Variants in WIF1 observed in about 807,000 individuals in gnomAD.
WIF1 encodes Wnt inhibitory factor 1.
A neutral mutation model predicts 53.5 loss-of-function variants in WIF1; 35 were observed. The observed-to-expected ratio is 0.65, with a 90% CI of 0.50 to 0.87. The LOEUF (loss-of-function observed/expected upper bound fraction) is 0.87. Ranked by LOEUF, WIF1 falls within the 40% of genes least tolerant of loss-of-function variation. The pLI, the probability that WIF1 is intolerant of heterozygous loss-of-function variation, is 0.00. For synonymous variants in WIF1, 171 were observed against 170.4 expected, an observed-to-expected ratio of 1.00 and a Z score of -0.03; for missense variants, 467 against 476.8, an observed-to-expected ratio of 0.98 and a Z score of 0.19.
chr12:65,116,667 G>A (rs1175983387), intron 2 of WIF1, among the ~76,000 whole-genome samples: 1 of 151,802 alleles, frequency 6.6e-6, no homozygotes, highest in Non-Finnish European at 1.5e-5. Context: ...AGGCGTGGTG[G>A]CTCACGCCTG....
chr12:65,114,635 A>C (rs537558311), intron 2 of WIF1, among the ~76,000 whole-genome samples: 11 of 152,280 alleles, frequency 7.2e-5, no homozygotes, highest in Admixed American at 5.2e-4. Flanking sequence ...ATTTGTAATA[A>C]ACCTTACATG....
At chr12:65,113,548 C>G (rs1346195731) in intron 2 of WIF1, among the ~76,000 whole-genome samples, 3 of 151,814 alleles carry the variant, frequency 2.0e-5, no homozygotes, top group East Asian at 1.9e-4. Flanking sequence ...GCCATAGAAC[C>G]AGATGTGGCT....
At chr12:65,087,025 C>T (rs1338633836) in intron 2 of WIF1, among the ~76,000 whole-genome samples, 3 of 152,030 alleles carry the variant, frequency 2.0e-5, no homozygotes, top group East Asian at 1.9e-4. Flanking sequence ...TGGTGCACAC[C>T]TGTAATCCCA....
chr12:65,079,899 CTATT>C (rs1882922475), intron 2 of WIF1, among the ~76,000 whole-genome samples: 1 of 151,968 alleles, frequency 6.6e-6, no homozygotes, highest in Admixed American at 6.6e-5. Flanking sequence ...TGCATTCTAT[CTATT>C]AATTAAAGAA....
chr12:65,088,601 T>C (rs1367423283), intron 2 of WIF1, among the ~76,000 whole-genome samples: 3 of 152,154 alleles, frequency 2.0e-5, no homozygotes, highest in African/African-American at 4.8e-5. Context: ...ACTGATGATT[T>C]CCAAGTTGCT....
intron 2 of WIF1, among the ~76,000 whole-genome samples, chr12:65,116,736 C>T (rs939489668): frequency 5.3e-5 from 8 of 151,524 alleles, no homozygotes; most frequent in African/African-American, 1.9e-4. Context: ...AGTTCAAGAC[C>T]AGCCTGGCCA....
intron 3 of WIF1, among the ~76,000 whole-genome samples, chr12:65,077,327 T>C (rs1198887055): frequency 6.6e-6 from 1 of 151,520 alleles, no homozygotes; most frequent in Non-Finnish European, 1.5e-5. Context: ...CAAATTCTAA[T>C]TTAATACAAT....
chr12:65,069,856 G>A (rs1170755215), intron 3 of WIF1, among the ~76,000 whole-genome samples: 1 of 152,122 alleles, frequency 6.6e-6, no homozygotes, highest in Non-Finnish European at 1.5e-5. Flanking sequence ...CACCCAATGG[G>A]TTATTATAAC....
chr12:65,092,900 A>C (rs953321681), intron 2 of WIF1, among the ~76,000 whole-genome samples: 8 of 151,916 alleles, frequency 5.3e-5, no homozygotes, highest in African/African-American at 1.9e-4. Context: ...AGGTGACATC[A>C]ACTCCTGTCT....
Position 65,066,743 on chromosome 12 carries a change from G to C in WIF1, c.635-7C>G, listed in dbSNP as rs776778070. ...CATCGTGGGGTACAAAGGGCTTATA[G>C]GGAGAGAGAACCCTGATTAAGGCCA... On this transcript the variant is annotated splice_region_variant and splice_polypyrimidine_tract_variant and intron_variant, in intron 5 of 9. Coordinates refer to ENST00000286574, the MANE Select transcript of WIF1 (RefSeq NM_007191.5). The C allele has an allele frequency of 2.5e-6, 4 of 1,587,484 alleles. No individual in the cohort carries two copies. The South Asian group carries it at 4.6e-5, about 18-fold the overall frequency.
At chr12:65,055,933 C>T in intron 8 of WIF1, 98 bp downstream of exon 8, 1 of 1,054,352 alleles carries the variant, frequency 9.5e-7, no homozygotes, top group East Asian at 2.4e-5. Context: ...ACTGTGATGC[C>T]CAGGCAACAT....
Position 65,067,654 on chromosome 12 carries a change from T to C in WIF1, c.634+41A>G, listed in dbSNP as rs536867593. 672 of 1,575,282 alleles carry C rather than the reference T, an allele frequency of 4.3e-4. 6 individuals carry two copies. The South Asian group carries it at 7.1e-3, about 17-fold the overall frequency. On this transcript the variant is annotated intron_variant, in intron 5 of 9. Coordinates refer to ENST00000286574, the MANE Select transcript of WIF1 (RefSeq NM_007191.5). The stretch of plus-strand genomic sequence containing the variant: ...TGGGGCTCCTGCACGACATCCATGT[T>C]CATTAGGAAGGGAGCAAGGGAAATC...
chr12:65,117,525 T>C (rs1008674995), intron 2 of WIF1, among the ~76,000 whole-genome samples: 55 of 152,218 alleles, frequency 3.6e-4, no homozygotes, highest in African/African-American at 1.3e-3. Context: ...GTGGAAGACA[T>C]TTTTTCCATG....
At position 65,108,301 on chromosome 12, in the gene WIF1, A is replaced by T. The variant is rs143788639; in HGVS notation, c.288+12116T>A. On this transcript the variant is annotated intron_variant, in intron 2 of 9. Coordinates refer to ENST00000286574, the MANE Select transcript of WIF1 (RefSeq NM_007191.5). Reference sequence around the variant, plus strand: ...TATTTATTGAGTGGAGGTCAAAAGAAGGAAGGGTGATAGGGCAGATGAGAA... The same window carrying T: ...TATTTATTGAGTGGAGGTCAAAAGATGGAAGGGTGATAGGGCAGATGAGAA... Among the ~76,000 whole-genome samples the T allele has an allele frequency of 2.3e-3, 346 of 152,304 alleles. 1 individual carries two copies. Among genetic ancestry groups the T allele is most frequent in the African/African-American group, 7.9e-3 (328 of 41,554 alleles).
In WIF1 at chr12:65,077,741, C is replaced by A. The variant is rs776707333; in HGVS notation, c.397+5G>T. On this transcript the variant is annotated splice_donor_5th_base_variant and intron_variant, in intron 3 of 9. Coordinates refer to ENST00000286574, the MANE Select transcript of WIF1 (RefSeq NM_007191.5). ...TAAACCTTTCTTCAGGCAAAGACCA[C>A]CCACCTGATGCCTTGTGAGGCACTG... 1.2e-6 allele frequency: 2 copies of A among 1,606,460 alleles called. No individual in the cohort carries two copies. The highest frequency in any genetic ancestry group is 1.7e-6 in the Non-Finnish European group (2 of 1,173,586).
intron 7 of WIF1, among the ~76,000 whole-genome samples, chr12:65,058,589 T>C (rs1169741139): frequency 6.6e-6 from 1 of 152,198 alleles, no homozygotes; most frequent in African/African-American, 2.4e-5. Context: ...GTTTAAAGAC[T>C]ATAGGAGCCA....
intron 2 of WIF1, among the ~76,000 whole-genome samples, chr12:65,089,254 T>C (rs1290505421): frequency 6.6e-6 from 1 of 152,160 alleles, no homozygotes; most frequent in East Asian, 1.9e-4. Context: ...ACCCAAGACA[T>C]AAACTTGGCA....
At chr12:65,085,673 ACTT>A (rs995996749) in intron 2 of WIF1, among the ~76,000 whole-genome samples, 2 of 152,192 alleles carry the variant, frequency 1.3e-5, no homozygotes, top group Admixed American at 6.6e-5. Flanking sequence ...CAATTAGCCA[ACTT>A]CTTCTGTTCT....
intron 2 of WIF1, among the ~76,000 whole-genome samples, chr12:65,097,642 T>G (rs974856832): frequency 6.6e-6 from 1 of 152,246 alleles, no homozygotes; most frequent in Non-Finnish European, 1.5e-5. Flanking sequence ...TTATTCATAC[T>G]AGTCTACGTT....
Sources: allele counts gnomAD v4.1 joint callset (sites outside exome capture counted in the v4.1 genomes callset), GRCh38; gene constraint gnomAD v4.1.1; transcripts MANE v1.5; gene names NCBI Gene and HGNC (gene_info 2026-07-23, HGNC 2026-07-21).